The following TESK2 variants were observed in gnomAD, a reference collection of about 807,000 sequenced individuals.
TESK2 encodes testis associated actin remodelling kinase 2, also known as dual specificity testis-specific protein kinase 2.
TESK2 carries 39 observed loss-of-function variants against 57.1 expected under a neutral mutation model. The ratio of observed to expected loss-of-function variants is 0.68; its 90% CI spans 0.53 to 0.89. The LOEUF (loss-of-function observed/expected upper bound fraction) is 0.89. Among genes scored for constraint, TESK2 ranks in the 40% least tolerant of loss-of-function variants. The pLI, the probability that TESK2 is intolerant of heterozygous loss-of-function variation, is 0.00. For synonymous variants in TESK2, 249 were observed against 267.9 expected (o/e 0.93, Z 0.69); for missense variants, 646 against 732.1 (o/e 0.88, Z 1.36).
chr1:45,414,724 C>T (rs1339354091), intron 3 of TESK2, among the ~76,000 whole-genome samples: 1 of 152,178 alleles, frequency 6.6e-6, no homozygotes, highest in Non-Finnish European at 1.5e-5. Flanking sequence ...ATACAGTAGG[C>T]ACTAGCTTCA....
chr1:45,384,593 A>ATTTTTTTTTTTTTTTTTTTT (rs59988269), intron 4 of TESK2, among the ~76,000 whole-genome samples: 2 of 70,888 alleles, frequency 2.8e-5, no homozygotes, highest in Non-Finnish European at 5.4e-5. Context: ...CTAATTATTA[A>ATTTTTTTTTTTTTTTTTTTT]TTTTTTTTTT....
At chr1:45,396,258 T>A (rs1649351096) in intron 3 of TESK2, among the ~76,000 whole-genome samples, 1 of 152,086 alleles carries the variant, frequency 6.6e-6, no homozygotes, top group Admixed American at 6.6e-5. Context: ...CATACCTGGC[T>A]AATTTTTTTG....
At position 45,467,141 on chromosome 1, in the gene TESK2, G is replaced by T. The variant is rs779596998; in HGVS notation, c.-86-9270C>A. Among the ~76,000 whole-genome samples, 44 of 152,032 alleles carry T rather than the reference G, an allele frequency of 2.9e-4. 1 individual carries two copies. The highest frequency in any genetic ancestry group is 1.0e-4 in the Non-Finnish European group (7 of 68,020). On this transcript the variant is annotated intron_variant, in intron 1 of 10. Transcript: ENST00000372086. ...TTTTGTTTCCTTAACGTGATGAAGT[G>T]GCCAAGTGGTTAAGGTGATGGACTG...
At chr1:45,369,182 GC>G (rs977737012) in intron 4 of TESK2, among the ~76,000 whole-genome samples, 1 of 152,092 alleles carries the variant, frequency 6.6e-6, no homozygotes, top group African/African-American at 2.4e-5. Context: ...ATGTAGGGAA[GC>G]TAAAGCAAAA....
chr1:45,370,777 G>T (rs1349620905), intron 4 of TESK2, among the ~76,000 whole-genome samples: 1 of 152,126 alleles, frequency 6.6e-6, no homozygotes, highest in African/African-American at 2.4e-5. Context: ...AGTTGAGACA[G>T]GAATAGAGAG....
intron 1 of TESK2, among the ~76,000 whole-genome samples, chr1:45,467,894 T>A (rs1358215501): frequency 6.6e-6 from 1 of 152,026 alleles, no homozygotes; most frequent in Non-Finnish European, 1.5e-5. Flanking sequence ...AAATATTGGG[T>A]GGGATCACTG....
chr1:45,490,031 G>A (rs1230481606), intron 1 of TESK2, among the ~76,000 whole-genome samples: 1 of 152,050 alleles, frequency 6.6e-6, no homozygotes, highest in East Asian at 1.9e-4. Flanking sequence ...GGAATTTCGG[G>A]CCATTCCCTC....
At chr1:45,363,224 T>C (rs1647768674) in intron 4 of TESK2, among the ~76,000 whole-genome samples, 1 of 152,232 alleles carries the variant, frequency 6.6e-6, no homozygotes, top group Admixed American at 6.5e-5. Flanking sequence ...TTTATTTTCA[T>C]TTTTTACAAC....
At chr1:45,345,817 G>GC in intron 10 of TESK2, 60 bp downstream of exon 10, 1 of 1,347,368 alleles carries the variant, frequency 7.4e-7, no homozygotes, top group South Asian at 1.2e-5. Flanking sequence ...AGAGGAGAAG[G>GC]CCCCACATCC....
At chr1:45,361,535 G>A (rs573498821) in intron 4 of TESK2, among the ~76,000 whole-genome samples, 5 of 151,918 alleles carry the variant, frequency 3.3e-5, no homozygotes, top group African/African-American at 7.2e-5. Context: ...ACTTCCTCAC[G>A]GTCTAATAAA....
chr1:45,456,000 C>T (rs746029376), intron 2 of TESK2, among the ~76,000 whole-genome samples: 1 of 151,740 alleles, frequency 6.6e-6, no homozygotes, highest in Non-Finnish European at 1.5e-5. Context: ...CAAGAACAGC[C>T]TGGGCAACAA....
chr1:45,456,308 C>A (rs1022118954), intron 2 of TESK2, among the ~76,000 whole-genome samples: 2 of 152,122 alleles, frequency 1.3e-5, no homozygotes, highest in Non-Finnish European at 2.9e-5. Context: ...CACTTGAGGT[C>A]AGGAGTTCAA....
At chr1:45,350,300 C>A (rs1317991664) in intron 5 of TESK2, among the ~76,000 whole-genome samples, 2 of 152,156 alleles carry the variant, frequency 1.3e-5, no homozygotes, top group Admixed American at 1.3e-4. Flanking sequence ...AGATCAGACA[C>A]CTGAAAGTGC....
At chr1:45,475,222 T>TTTTTTTTTTTTTTTTTTG in intron 1 of TESK2, among the ~76,000 whole-genome samples, 1 of 145,722 alleles carries the variant, frequency 6.9e-6, no homozygotes, top group Non-Finnish European at 1.5e-5. Flanking sequence ...TTTTTTTTTT[T>TTTTTTTTTTTTTTTTTTG]TTTTTTTTGA....
intron 4 of TESK2, among the ~76,000 whole-genome samples, chr1:45,374,470 A>G (rs1312478916): frequency 6.6e-6 from 1 of 152,132 alleles, no homozygotes; most frequent in Non-Finnish European, 1.5e-5. Context: ...AATATTACCT[A>G]TTTCATAGGA....
At chr1:45,379,241 T>C (rs571795117) in intron 4 of TESK2, among the ~76,000 whole-genome samples, 11 of 152,300 alleles carry the variant, frequency 7.2e-5, no homozygotes, top group African/African-American at 1.7e-4. Context: ...TCCTAGCTCA[T>C]TGAAGCCTTG....
intron 1 of TESK2, among the ~76,000 whole-genome samples, chr1:45,470,251 T>A (rs967880684): frequency 1.3e-5 from 2 of 152,214 alleles, no homozygotes; most frequent in African/African-American, 4.8e-5. Flanking sequence ...TTTTCTAGAA[T>A]GGGAATACTG....
At chr1:45,482,677 G>A (rs1476707439) in intron 1 of TESK2, among the ~76,000 whole-genome samples, 1 of 151,676 alleles carries the variant, frequency 6.6e-6, no homozygotes, top group Non-Finnish European at 1.5e-5. Context: ...AGTTTTGCGG[G>A]AAGTCAAAAA....
intron 2 of TESK2, among the ~76,000 whole-genome samples, chr1:45,424,568 T>C (rs948720134): frequency 6.6e-6 from 1 of 152,202 alleles, no homozygotes; most frequent in Non-Finnish European, 1.5e-5. Flanking sequence ...AGCTCACTGG[T>C]AGTATTTTTC....
Sources: allele counts gnomAD v4.1 joint callset (sites outside exome capture counted in the v4.1 genomes callset), GRCh38; gene constraint gnomAD v4.1.1; transcripts MANE v1.5; gene names NCBI Gene and HGNC (gene_info 2026-07-23, HGNC 2026-07-21).